MECOM: variants seen among roughly 807,000 people sequenced by gnomAD.
MECOM encodes the protein histone-lysine N-methyltransferase MECOM.
MECOM carries 13 observed loss-of-function variants against 116.3 expected under a neutral mutation model. The ratio of observed to expected loss-of-function variants is 0.11; its 90% confidence interval spans 0.07 to 0.18. The LOEUF (loss-of-function observed/expected upper bound fraction) is 0.18. Ranked by LOEUF, MECOM falls within the 10% of genes least tolerant of loss-of-function variation. MECOM has a pLI of 1.00. For missense variants in MECOM, 1,299 were observed against 1,509.0 expected, an observed-to-expected ratio of 0.86 and a Z score of 2.31; for synonymous variants, 528 against 535.2, an observed-to-expected ratio of 0.99 and a Z score of 0.19.
intron 1 of MECOM, among the ~76,000 whole-genome samples, chr3:169,562,600 C>T (rs184880929): frequency 4.6e-5 from 7 of 152,238 alleles, no homozygotes; most frequent in African/African-American, 1.2e-4. Flanking sequence ...TTAACCTTTC[C>T]GCCTCCTGGA....
At chr3:169,326,709 C>T (rs1417141048) in intron 2 of MECOM, among the ~76,000 whole-genome samples, 1 of 151,986 alleles carries the variant, frequency 6.6e-6, no homozygotes, top group Non-Finnish European at 1.5e-5. Context: ...CTATTTTTAC[C>T]ACCTTCAAAC....
chr3:169,540,902 C>T (rs1338748746), intron 1 of MECOM, among the ~76,000 whole-genome samples: 1 of 152,214 alleles, frequency 6.6e-6, no homozygotes, highest in Non-Finnish European at 1.5e-5. Flanking sequence ...ATTAGGCACA[C>T]TCCTTGGCAC....
chr3:169,355,246 A>G (rs935352973), intron 2 of MECOM, among the ~76,000 whole-genome samples: 2 of 151,992 alleles, frequency 1.3e-5, no homozygotes, highest in African/African-American at 4.8e-5. Flanking sequence ...TTACAAAAAC[A>G]CTGGGCTAGA....
In MECOM at chr3:169,360,181, C is replaced by A. The variant is rs539704735; in HGVS notation, c.375+21006G>T. 7.9e-5 allele frequency among the ~76,000 whole-genome samples: 12 copies of A among 151,114 alleles called. No homozygotes were observed. In the South Asian group the frequency reaches 2.3e-3, roughly 29 times the overall value. On this transcript the variant is annotated intron_variant, in intron 2 of 16. Coordinates refer to ENST00000651503, the MANE Select transcript of MECOM (RefSeq NM_004991.4). Reference sequence around the variant, plus strand: ...CCTGTGAGTTGGGCAGTTTGCCCTCCATTTCCAGTAGCATATATTTTGGAA... The same window carrying A: ...CCTGTGAGTTGGGCAGTTTGCCCTCAATTTCCAGTAGCATATATTTTGGAA...
rs527350509 is a variant in MECOM, at chr3:169,446,369, C to G, written c.38-64845G>C. On this transcript the variant is annotated intron_variant, in intron 1 of 16. Coordinates refer to ENST00000651503, the MANE Select transcript of MECOM (RefSeq NM_004991.4). ...ATCTGATGGGTTTATCAGGAGTTTCCGCTTTTGCTTCTTCCTCATTTTCTC... is the reference window on the plus strand; with the variant it reads ...ATCTGATGGGTTTATCAGGAGTTTCGGCTTTTGCTTCTTCCTCATTTTCTC... 3.2e-4 allele frequency among the ~76,000 whole-genome samples: 48 copies of G among 152,208 alleles called. 2 individuals are homozygous for G. In the South Asian group the frequency reaches 8.1e-3, roughly 26 times the overall value.
At chr3:169,186,481 A>G (rs1489288441) in intron 2 of MECOM, among the ~76,000 whole-genome samples, 1 of 152,080 alleles carries the variant, frequency 6.6e-6, no homozygotes, top group African/African-American at 2.4e-5. Flanking sequence ...TTGGTCATAC[A>G]TGTAATTTGT....
At chr3:169,550,109 G>A (rs1353633976) in intron 1 of MECOM, among the ~76,000 whole-genome samples, 2 of 152,136 alleles carry the variant, frequency 1.3e-5, no homozygotes, top group African/African-American at 4.8e-5. Flanking sequence ...GAAGGAATTA[G>A]GGTAAAGGAA....
chr3:169,160,924 A>G (rs1742750746), intron 2 of MECOM, among the ~76,000 whole-genome samples: 1 of 152,240 alleles, frequency 6.6e-6, no homozygotes, highest in African/African-American at 2.4e-5. Flanking sequence ...ATACAAGATA[A>G]AACATTAGTG....
intron 2 of MECOM, among the ~76,000 whole-genome samples, chr3:169,316,885 C>A (rs1272092089): frequency 2.6e-5 from 4 of 152,184 alleles, no homozygotes; most frequent in Non-Finnish European, 4.4e-5. Flanking sequence ...AGTTTCATTA[C>A]TGTGTGTCAT....
At chr3:169,269,916 A>G (rs1357413684) in intron 2 of MECOM, among the ~76,000 whole-genome samples, 1 of 152,138 alleles carries the variant, frequency 6.6e-6, no homozygotes, top group Admixed American at 6.6e-5. Context: ...TGGAAAATAG[A>G]AATATTTTTG....
intron 1 of MECOM, among the ~76,000 whole-genome samples, chr3:169,578,747 A>G (rs1205888513): frequency 6.6e-6 from 1 of 152,204 alleles, no homozygotes; most frequent in Non-Finnish European, 1.5e-5. Flanking sequence ...GGACCGCTGA[A>G]TTAATTACAA....
In MECOM at chr3:169,200,443, T is replaced by C. The variant is rs1269015722; in HGVS notation, c.376-56611A>G. On this transcript the variant is annotated intron_variant, in intron 2 of 16. Transcript: ENST00000651503. ...TAATAACAGAAGACACAGTGGGAGG[T>C]TTTTTAACAAGATCTAGGTTTGTCT... is the stretch of plus-strand genomic sequence containing the variant. Among the ~76,000 whole-genome samples, 5 of 151,446 alleles carry C rather than the reference T, an allele frequency of 3.3e-5. No homozygotes were observed. The Admixed American group carries it at 3.3e-4, about 10-fold the overall frequency.
chr3:169,661,328 C>T (rs1306431710), intron 1 of MECOM, among the ~76,000 whole-genome samples: 1 of 150,142 alleles, frequency 6.7e-6, no homozygotes, highest in Non-Finnish European at 1.5e-5. Context: ...CACACACTCT[C>T]TCTCTCTCCC....
chr3:169,461,002 T>C (rs574385732), intron 1 of MECOM, among the ~76,000 whole-genome samples: 40 of 152,298 alleles, frequency 2.6e-4, no homozygotes, highest in African/African-American at 7.7e-4. Context: ...GCCTTCCTGT[T>C]CCTTCTCAGC....
intron 2 of MECOM, among the ~76,000 whole-genome samples, chr3:169,223,164 A>G (rs6790802): frequency 0.3 from 44,883 of 151,600 alleles, 7,775 homozygotes; most frequent in African/African-American, 0.48. Context: ...GTTCTAGGGT[A>G]CATGTGCACA....
chr3:169,429,587 G>C (rs1332336708), intron 1 of MECOM, among the ~76,000 whole-genome samples: 1 of 152,190 alleles, frequency 6.6e-6, no homozygotes, highest in Non-Finnish European at 1.5e-5. Flanking sequence ...AGTTTATAGG[G>C]AGAAAACATC....
At chr3:169,396,905 G>C (rs138047907) in intron 1 of MECOM, among the ~76,000 whole-genome samples, 1 of 152,074 alleles carries the variant, frequency 6.6e-6, no homozygotes, top group African/African-American at 2.4e-5. Context: ...CCCAGGAGGC[G>C]CATGTTGCAG....
chr3:169,619,184 A>T (rs536143816), intron 1 of MECOM, among the ~76,000 whole-genome samples: 13 of 152,310 alleles, frequency 8.5e-5, no homozygotes, highest in African/African-American at 3.1e-4. Context: ...GTAAATTGAG[A>T]GGCTAACACA....
chr3:169,240,869 T>C (rs1393549235), intron 2 of MECOM, among the ~76,000 whole-genome samples: 1 of 152,166 alleles, frequency 6.6e-6, no homozygotes, highest in Non-Finnish European at 1.5e-5. Flanking sequence ...TACACTTAGC[T>C]AATGCTTTCT....
Sources: gnomAD v4.1 joint callset for allele counts (sites outside exome capture counted in the v4.1 genomes callset) on GRCh38, gnomAD v4.1.1 for gene constraint, MANE v1.5 for transcripts, NCBI Gene and HGNC (gene_info 2026-07-23, HGNC 2026-07-21) for gene names.